Variants in RAPGEF6 observed in about 807,000 individuals in gnomAD.
The protein encoded by RAPGEF6 is PDZ domain containing guanine nucleotide exchange factor (GEF) 2.
In RAPGEF6, 56 loss-of-function variants were observed where a neutral mutation model predicts 171.4. The ratio of observed to expected loss-of-function variants is 0.33; its 90% confidence interval spans 0.26 to 0.41. RAPGEF6 has a LOEUF of 0.41. RAPGEF6 is among the 10% of genes least tolerant of loss of function. RAPGEF6 has a pLI of 1.00. For missense variants in RAPGEF6, 1,674 were observed against 1,921.4 expected (o/e 0.87, Z 2.41); for synonymous variants, 692 against 650.1 (o/e 1.06, Z -0.98).
intron 17 of RAPGEF6, among the ~76,000 whole-genome samples, chr5:131,469,467 A>T (rs1754599740): frequency 6.6e-6 from 1 of 152,158 alleles, no homozygotes; most frequent in Non-Finnish European, 1.5e-5. Flanking sequence ...TAAGTTCTAC[A>T]TGCAGATATA....
intron 24 of RAPGEF6, among the ~76,000 whole-genome samples, chr5:131,438,847 C>T (rs1003031636): frequency 6.6e-6 from 1 of 152,142 alleles, no homozygotes; most frequent in African/African-American, 2.4e-5. Context: ...AAAGGTAATA[C>T]TCTGTTACTA....
intron 6 of RAPGEF6, among the ~76,000 whole-genome samples, chr5:131,532,636 A>G (rs765387015): frequency 5.3e-5 from 8 of 152,124 alleles, no homozygotes; most frequent in African/African-American, 1.4e-4. Flanking sequence ...TATCCTGAAG[A>G]TTAAAGTTTC....
chr5:131,550,866 G>A (rs1209328522), intron 5 of RAPGEF6, among the ~76,000 whole-genome samples: 1 of 152,090 alleles, frequency 6.6e-6, no homozygotes, highest in Non-Finnish European at 1.5e-5. Flanking sequence ...TACATCTTAT[G>A]ACCTAGTTCA....
intron 7 of RAPGEF6, among the ~76,000 whole-genome samples, chr5:131,516,030 G>A (rs568487901): frequency 2.9e-4 from 38 of 130,780 alleles, no homozygotes; most frequent in Admixed American, 1.5e-3. Context: ...ATTTTGACTA[G>A]GACTCAGATG....
rs536012380 is a variant in RAPGEF6, at chr5:131,425,575, T to C, written c.*1691A>G. 1 of 152,460 alleles carries C rather than the reference T, an allele frequency of 6.6e-6. No individual in the cohort carries two copies. The highest frequency in any genetic ancestry group is 6.5e-5 in the Admixed American group (1 of 15,304). 9.4% of individuals were successfully genotyped at this position (152,460 alleles called of 1,614,324 possible). A position where few individuals can be genotyped will look rare whatever the true frequency, so the allele number is the denominator to read the frequency against. On this transcript the variant is annotated 3_prime_UTR_variant, in exon 28 of 28. Coordinates refer to ENST00000509018, the MANE Select transcript of RAPGEF6 (RefSeq NM_016340.6). The stretch of plus-strand genomic sequence containing the variant: ...CATACCTGCGATTAATTTCTAAGGC[T>C]TAAGTTTCAGATTAATGTTTCTTTA...
intron 4 of RAPGEF6, among the ~76,000 whole-genome samples, chr5:131,572,596 T>G (rs768645532): frequency 6.6e-6 from 1 of 152,154 alleles, no homozygotes; most frequent in Non-Finnish European, 1.5e-5. Flanking sequence ...TGATCATGCC[T>G]GCTTTGGCTG....
intron 17 of RAPGEF6, 70 bp from the exon 18 acceptor site, chr5:131,464,351 G>A (rs776772889): frequency 7.2e-6 from 8 of 1,117,232 alleles, no homozygotes; most frequent in Admixed American, 5.5e-5. Context: ...AAAAAGCAAC[G>A]TGAAACACAG....
intron 17 of RAPGEF6, among the ~76,000 whole-genome samples, chr5:131,471,605 T>A (rs868442401): frequency 2.0e-5 from 3 of 152,198 alleles, no homozygotes; most frequent in Admixed American, 2.0e-4. Context: ...TAATTGTATA[T>A]GCCTTTTATT....
At chr5:131,468,887 A>G (rs561610558) in intron 17 of RAPGEF6, among the ~76,000 whole-genome samples, 2 of 152,366 alleles carry the variant, frequency 1.3e-5, no homozygotes, top group South Asian at 4.1e-4. Context: ...GATAGTAAAC[A>G]TTTTAAGTTT....
chr5:131,453,510 G>A (rs1457702852), intron 20 of RAPGEF6, among the ~76,000 whole-genome samples: 1 of 152,126 alleles, frequency 6.6e-6, no homozygotes, highest in Non-Finnish European at 1.5e-5. Flanking sequence ...AGGATTGCCT[G>A]AGCTCAGGAG....
chr5:131,621,298 C>CT (rs904517654), intron 1 of RAPGEF6, among the ~76,000 whole-genome samples: 83 of 151,058 alleles, frequency 5.5e-4, no homozygotes, highest in African/African-American at 1.9e-3. Context: ...TTTTCTTTTT[C>CT]TTTTTTTTTC....
At chr5:131,526,384 G>A (rs1326007154) in intron 6 of RAPGEF6, among the ~76,000 whole-genome samples, 1 of 152,068 alleles carries the variant, frequency 6.6e-6, no homozygotes, top group Non-Finnish European at 1.5e-5. Flanking sequence ...AGTTTATAGA[G>A]TAGGAAACCT....
At position 131,635,183 on chromosome 5, in the gene RAPGEF6, G is replaced by A. The variant is rs1766565940; in HGVS notation, c.-153C>T. The A allele has an allele frequency of 1.6e-5, 12 of 756,786 alleles. No homozygotes were observed. Among genetic ancestry groups the A allele is most frequent in the Non-Finnish European group, 2.5e-5 (12 of 485,778 alleles). 46.9% of individuals were successfully genotyped at this position (756,786 alleles called of 1,614,324 possible). A position where few individuals can be genotyped will look rare whatever the true frequency, so the allele number is the denominator to read the frequency against. ...ACTCTAGCAAACAACCCTTCGCAAC[G>A]CCCGCCTAAGGCCTCTACCCACGCG... On this transcript the variant is annotated 5_prime_UTR_variant, in exon 1 of 28. Transcript: ENST00000509018.
intron 19 of RAPGEF6, among the ~76,000 whole-genome samples, chr5:131,458,522 A>G (rs1406915979): frequency 6.6e-6 from 1 of 152,260 alleles, no homozygotes; most frequent in Non-Finnish European, 1.5e-5. Context: ...AACTCCACAG[A>G]GGAAATAAAA....
chr5:131,538,997 T>C (rs117356823), intron 6 of RAPGEF6, among the ~76,000 whole-genome samples: 1 of 152,288 alleles, frequency 6.6e-6, no homozygotes, highest in East Asian at 1.9e-4. Flanking sequence ...CTTCTTTTGT[T>C]TTTAAGGTAG....
chr5:131,463,883 ATTT>A, intron 18 of RAPGEF6, 155 bp downstream of exon 18: 1 of 1,370,550 alleles, frequency 7.3e-7, no homozygotes, highest in Non-Finnish European at 9.4e-7. Flanking sequence ...CTAAGAGTTT[ATTT>A]TAGCAGGAGT....
rs185652067 is a variant in RAPGEF6, at chr5:131,473,197, T to C, written c.2082-453A>G. Among the ~76,000 whole-genome samples, 153 of 152,194 alleles carry C rather than the reference T, an allele frequency of 1.0e-3. 1 individual carries two copies. The highest frequency in any genetic ancestry group is 3.2e-3 in the African/African-American group (132 of 41,524). On this transcript the variant is annotated intron_variant, in intron 16 of 27. Transcript: ENST00000509018. Reference sequence around the variant, plus strand: ...AAGAGTCTACATTCAAACCAAAAACTATGGCAGGTAATAGATAACAATGGG... The same window carrying C: ...AAGAGTCTACATTCAAACCAAAAACCATGGCAGGTAATAGATAACAATGGG...
intron 11 of RAPGEF6, among the ~76,000 whole-genome samples, chr5:131,499,581 CAAAAAAA>C (rs375534138): frequency 1.1e-5 from 1 of 87,548 alleles, no homozygotes; most frequent in African/African-American, 4.7e-5. Context: ...GACTTTGTCT[CAAAAAAA>C]AAAAAAAAAA....
chr5:131,435,084 T>G (rs1751933448), intron 24 of RAPGEF6, among the ~76,000 whole-genome samples: 1 of 152,258 alleles, frequency 6.6e-6, no homozygotes. Context: ...AGTCTTTCTC[T>G]GTTTATGGAT....
Sources: allele counts gnomAD v4.1 joint callset (sites outside exome capture counted in the v4.1 genomes callset), GRCh38; gene constraint gnomAD v4.1.1; transcripts MANE v1.5; gene names NCBI Gene and HGNC (gene_info 2026-07-23, HGNC 2026-07-21).